DLG2: variants seen among roughly 807,000 people sequenced by gnomAD.
DLG2 encodes discs large MAGUK scaffold protein 2.
DLG2 carries 45 observed loss-of-function variants against 132.5 expected under a neutral mutation model. The observed-to-expected ratio is 0.34, with a 90% CI of 0.27 to 0.44. The LOEUF is 0.44. DLG2 is among the 20% of genes least tolerant of loss of function. DLG2 has a pLI of 1.00. For synonymous variants in DLG2, 424 were observed against 419.6 expected (o/e 1.01, Z -0.13); for missense variants, 1,045 against 1,196.9 (o/e 0.87, Z 1.87).
chr11:85,422,768 G>A (rs1021337520), intron 3 of DLG2, among the ~76,000 whole-genome samples: 2 of 152,058 alleles, frequency 1.3e-5, no homozygotes, highest in East Asian at 3.9e-4. Flanking sequence ...TAGGACTACA[G>A]GCACGAGACA....
rs771293169 is a variant in DLG2, at chr11:84,098,901, T to A, written c.749+22A>T. On this transcript the variant is annotated intron_variant, in intron 10 of 27. Coordinates refer to ENST00000376104, the MANE Select transcript of DLG2 (RefSeq NM_001142699.3). ...TGCAGCAGATTTACTTTCAAAATCA[T>A]TCTAATGTTTCAGATCTTTACCTGA... is the stretch of plus-strand genomic sequence containing the variant. 23 of 1,609,630 alleles carry A rather than the reference T, an allele frequency of 1.4e-5. No individual in the cohort carries two copies. In the Admixed American group the frequency reaches 3.9e-4, roughly 27 times the overall value.
intron 6 of DLG2, among the ~76,000 whole-genome samples, chr11:84,634,635 G>T (rs555782214): frequency 1.0e-3 from 152 of 152,250 alleles, no homozygotes; most frequent in Non-Finnish European, 1.7e-3. Flanking sequence ...ACCTATTCTG[G>T]TTCGAGGGAC....
chr11:84,093,509 A>G (rs2097125980), intron 10 of DLG2, among the ~76,000 whole-genome samples: 1 of 152,174 alleles, frequency 6.6e-6, no homozygotes, highest in South Asian at 2.1e-4. Flanking sequence ...TATTCTCCCT[A>G]TTTTAAGGTA....
At chr11:85,370,600 T>C (rs957003178) in intron 3 of DLG2, among the ~76,000 whole-genome samples, 1 of 152,354 alleles carries the variant, frequency 6.6e-6, no homozygotes, top group East Asian at 1.9e-4. Flanking sequence ...TTCTGAGTCA[T>C]CATTTTGGCA....
intron 7 of DLG2, among the ~76,000 whole-genome samples, chr11:84,310,671 C>T (rs924364302): frequency 6.6e-6 from 1 of 152,192 alleles, no homozygotes; most frequent in African/African-American, 2.4e-5. Flanking sequence ...ACCTGGGGGA[C>T]AGCTGCTATT....
intron 6 of DLG2, among the ~76,000 whole-genome samples, chr11:84,918,165 T>A (rs1411906726): frequency 6.6e-6 from 1 of 152,140 alleles, no homozygotes; most frequent in East Asian, 1.9e-4. Context: ...ATAAATAAAC[T>A]GTAAGGAAAA....
intron 20 of DLG2, among the ~76,000 whole-genome samples, chr11:83,541,341 C>T (rs2096062336): frequency 6.6e-6 from 1 of 152,046 alleles, no homozygotes; most frequent in Non-Finnish European, 1.5e-5. Flanking sequence ...AATGTTGAAA[C>T]TCTGGAAATA....
At chr11:84,671,608 C>T (rs932159013) in intron 6 of DLG2, among the ~76,000 whole-genome samples, 16 of 152,078 alleles carry the variant, frequency 1.1e-4, no homozygotes, top group African/African-American at 3.9e-4. Flanking sequence ...GGCTATTGCC[C>T]ATGTGCATGT....
chr11:84,865,673 C>T (rs796882627), intron 6 of DLG2, among the ~76,000 whole-genome samples: 5 of 152,252 alleles, frequency 3.3e-5, no homozygotes, highest in African/African-American at 1.2e-4. Context: ...AGTATCCTAA[C>T]ACAACAAATA....
At chr11:83,960,073 T>G (rs759572586) in intron 14 of DLG2, among the ~76,000 whole-genome samples, 1 of 152,086 alleles carries the variant, frequency 6.6e-6, no homozygotes, top group Non-Finnish European at 1.5e-5. Flanking sequence ...ATTCTTGCTT[T>G]CATTTTATTC....
chr11:83,633,382 G>A lies in DLG2; in HGVS notation c.1826-57C>T, dbSNP rs1343581248. On this transcript the variant is annotated intron_variant, in intron 18 of 27. Coordinates refer to ENST00000376104, the MANE Select transcript of DLG2 (RefSeq NM_001142699.3). The stretch of plus-strand genomic sequence containing the variant: ...CTCTGTGCCCTCAAGAGTTGGAAAT[G>A]CTGCACAGCCCAGGCAGCCCCTCAC... 14 of 1,427,516 alleles carry A rather than the reference G, an allele frequency of 9.8e-6. No homozygotes were observed. In the East Asian group the frequency reaches 2.8e-4, roughly 29 times the overall value. The allele number at this position is 1,427,516 out of a possible 1,614,324, so 88.4% of individuals were successfully genotyped here. A position where few individuals can be genotyped will look rare whatever the true frequency, so the allele number is the denominator to read the frequency against.
intron 6 of DLG2, among the ~76,000 whole-genome samples, chr11:84,623,869 T>C (rs2099617942): frequency 6.6e-6 from 1 of 152,210 alleles, no homozygotes; most frequent in African/African-American, 2.4e-5. Flanking sequence ...TACCTCAGTA[T>C]TGCAACAACT....
chr11:83,934,087 C>A (rs2080941988), intron 14 of DLG2, among the ~76,000 whole-genome samples: 1 of 152,162 alleles, frequency 6.6e-6, no homozygotes, highest in African/African-American at 2.4e-5. Context: ...AGAGCTCATG[C>A]TATTGAATTT....
chr11:83,917,550 C>CA (rs1241531414), intron 15 of DLG2, among the ~76,000 whole-genome samples: 1 of 152,098 alleles, frequency 6.6e-6, no homozygotes, highest in African/African-American at 2.4e-5. Context: ...ACTCTGAAAT[C>CA]AAAAAATCCC....
chr11:83,980,722 AAC>A (rs1301492610), intron 11 of DLG2, 80 bp from the exon 12 acceptor site: 19 of 1,362,742 alleles, frequency 1.4e-5, no homozygotes, highest in African/African-American at 4.5e-5. Flanking sequence ...GCCACATTTT[AAC>A]AGTTTTTAAA....
intron 21 of DLG2, among the ~76,000 whole-genome samples, chr11:83,502,288 T>C (rs543764380): frequency 7.9e-4 from 121 of 152,216 alleles, no homozygotes; most frequent in Non-Finnish European, 1.4e-3. Context: ...CCCAAGCAGT[T>C]TGGCTCCAGA....
At chr11:85,465,489 T>G (rs1252061241) in intron 3 of DLG2, among the ~76,000 whole-genome samples, 2 of 152,072 alleles carry the variant, frequency 1.3e-5, no homozygotes, top group Admixed American at 6.6e-5. Context: ...TGGTGTGTGA[T>G]GTTCCCCTTC....
At chr11:85,349,461 T>A (rs1010946392) in intron 3 of DLG2, among the ~76,000 whole-genome samples, 2 of 152,066 alleles carry the variant, frequency 1.3e-5, no homozygotes, top group African/African-American at 2.4e-5. Context: ...GTGCACAATG[T>A]GTAGGTTTGA....
chr11:84,436,189 A>G (rs1451807939), intron 7 of DLG2, among the ~76,000 whole-genome samples: 1 of 152,122 alleles, frequency 6.6e-6, no homozygotes, highest in East Asian at 1.9e-4. Flanking sequence ...CCCCTCCCTC[A>G]TCCACCAAAA....
Sources: allele counts gnomAD v4.1 joint callset (sites outside exome capture counted in the v4.1 genomes callset), GRCh38; gene constraint gnomAD v4.1.1; transcripts MANE v1.5; gene names NCBI Gene and HGNC (gene_info 2026-07-23, HGNC 2026-07-21).